The following RORA variants were observed in gnomAD, a reference collection of about 807,000 sequenced individuals.
RORA encodes nuclear receptor ROR-alpha.
Under a neutral mutation model 69.5 loss-of-function variants are expected in RORA, and 7 were observed. The observed-to-expected ratio is 0.10, with a 90% CI of 0.06 to 0.19. The LOEUF (loss-of-function observed/expected upper bound fraction) is 0.19, where lower values mean the gene tolerates loss of function less well. Ranked by LOEUF, RORA falls within the 10% of genes least tolerant of loss-of-function variation. RORA has a pLI of 1.00. For synonymous variants in RORA, 261 were observed against 240.8 expected (o/e 1.08, Z -0.78); for missense variants, 457 against 663.0 (o/e 0.69, Z 3.41).
intron 1 of RORA, among the ~76,000 whole-genome samples, chr15:60,841,881 A>G (rs74735171): frequency 0.08 from 12,241 of 152,300 alleles, 598 homozygotes; most frequent in Non-Finnish European, 0.12. Flanking sequence ...AAAGCAGGAT[A>G]CAAATGAATC....
At chr15:60,556,824 T>G (rs1567084572) in intron 2 of RORA, 1 of 1,546,876 alleles carries the variant, frequency 6.5e-7, no homozygotes, top group African/African-American at 1.4e-5. Context: ...GAAGAAACCT[T>G]GCAAATTACA....
intron 1 of RORA, among the ~76,000 whole-genome samples, chr15:60,879,984 A>G (rs1283187735): frequency 6.6e-6 from 1 of 152,148 alleles, no homozygotes; most frequent in Non-Finnish European, 1.5e-5. Context: ...AAAATCTGTG[A>G]CTGCATCTCC....
chr15:60,776,009 T>C (rs1399721462), intron 1 of RORA, among the ~76,000 whole-genome samples: 1 of 152,222 alleles, frequency 6.6e-6, no homozygotes, highest in Non-Finnish European at 1.5e-5. Context: ...GCAATAACTG[T>C]GTGTGAACTA....
At chr15:61,103,056 T>G (rs2078902973) in intron 1 of RORA, among the ~76,000 whole-genome samples, 1 of 152,250 alleles carries the variant, frequency 6.6e-6, no homozygotes, top group Non-Finnish European at 1.5e-5. Flanking sequence ...ATGTCTTTAT[T>G]CAGACACGTT....
chr15:60,765,967 AGCTCATCCT>A (rs753047557), intron 1 of RORA, among the ~76,000 whole-genome samples: 1 of 152,152 alleles, frequency 6.6e-6, no homozygotes, highest in Non-Finnish European at 1.5e-5. Flanking sequence ...ACCAATTTTC[AGCTCATCCT>A]TTCCTTCTTA....
At chr15:61,075,394 T>C in intron 1 of RORA, among the ~76,000 whole-genome samples, 1 of 152,168 alleles carries the variant, frequency 6.6e-6, no homozygotes. Context: ...TGTTCGACCA[T>C]GCCTTCCTAG....
chr15:60,768,836 T>C lies in RORA; in HGVS notation c.167-90150A>G, dbSNP rs116561030. ...GGAGGAGCTGACTTTGGCAATGATG[T>C]GTCTTCTCCACACAATGATTATTTC... is the stretch of plus-strand genomic sequence containing the variant. On this transcript the variant is annotated intron_variant, in intron 1 of 10. Transcript: ENST00000335670. 1.8e-3 allele frequency among the ~76,000 whole-genome samples: 277 copies of C among 152,320 alleles called. 1 individual carries two copies. The highest frequency in any genetic ancestry group is 6.4e-3 in the African/African-American group (267 of 41,584).
chr15:60,868,837 G>A (rs1473600184), intron 1 of RORA, among the ~76,000 whole-genome samples: 2 of 152,192 alleles, frequency 1.3e-5, no homozygotes, highest in East Asian at 3.9e-4. Context: ...GGAAAATTGA[G>A]AAAATGTCTG....
At chr15:60,625,958 C>T (rs2069565717) in intron 2 of RORA, among the ~76,000 whole-genome samples, 1 of 152,174 alleles carries the variant, frequency 6.6e-6, no homozygotes, top group Non-Finnish European at 1.5e-5. Context: ...AAAATATGAG[C>T]TTTGTAACAT....
intron 1 of RORA, among the ~76,000 whole-genome samples, chr15:61,113,631 T>C (rs1446819428): frequency 6.6e-6 from 1 of 152,188 alleles, no homozygotes; most frequent in African/African-American, 2.4e-5. Flanking sequence ...CCCTAAAATG[T>C]CTAGCTAGGA....
chr15:60,773,026 C>T (rs1271709774), intron 1 of RORA, among the ~76,000 whole-genome samples: 1 of 152,196 alleles, frequency 6.6e-6, no homozygotes, highest in Non-Finnish European at 1.5e-5. Context: ...TTGCAAGTTC[C>T]ATTTAGCTTT....
intron 1 of RORA, among the ~76,000 whole-genome samples, chr15:60,713,992 C>T (rs930844369): frequency 6.6e-6 from 1 of 151,888 alleles, no homozygotes; most frequent in African/African-American, 2.4e-5. Context: ...TTGGCAAAAC[C>T]GGGGCCTCTA....
intron 1 of RORA, among the ~76,000 whole-genome samples, chr15:60,722,363 G>A (rs1179928788): frequency 6.6e-6 from 1 of 152,194 alleles, no homozygotes; most frequent in African/African-American, 2.4e-5. Context: ...AGCTAAAATA[G>A]CAGCACCCTT....
At chr15:61,040,849 G>A (rs1896730329) in intron 1 of RORA, among the ~76,000 whole-genome samples, 1 of 152,006 alleles carries the variant, frequency 6.6e-6, no homozygotes, top group African/African-American at 2.4e-5. Flanking sequence ...TTTTTTCAAA[G>A]GTTGTTTTTA....
At chr15:60,639,955 C>T (rs1159863502) in intron 2 of RORA, among the ~76,000 whole-genome samples, 2 of 152,196 alleles carry the variant, frequency 1.3e-5, no homozygotes, top group African/African-American at 4.8e-5. Context: ...CAGAGTTTCT[C>T]CCCTATCATT....
intron 1 of RORA, among the ~76,000 whole-genome samples, chr15:61,008,178 A>T (rs1894974341): frequency 6.7e-6 from 1 of 149,434 alleles, no homozygotes. Context: ...TGGAGGTATA[A>T]AGAATTTCAA....
intron 1 of RORA, among the ~76,000 whole-genome samples, chr15:60,782,873 G>A (rs2140340280): frequency 6.6e-6 from 1 of 152,316 alleles, no homozygotes; most frequent in South Asian, 2.1e-4. Context: ...AAATGCTATA[G>A]GCATTGAGTT....
chr15:60,948,322 C>T (rs1252664664), intron 1 of RORA, among the ~76,000 whole-genome samples: 1 of 151,732 alleles, frequency 6.6e-6, no homozygotes, highest in Non-Finnish European at 1.5e-5. Context: ...TCTGGTGATG[C>T]AAATACAAGG....
chr15:60,924,041 G>T (rs1892131922), intron 1 of RORA, among the ~76,000 whole-genome samples: 1 of 152,196 alleles, frequency 6.6e-6, no homozygotes, highest in South Asian at 2.1e-4. Flanking sequence ...GAAAGGGCCA[G>T]CCCACTGAAA....
Sources: allele counts gnomAD v4.1 joint callset (sites outside exome capture counted in the v4.1 genomes callset), GRCh38; gene constraint gnomAD v4.1.1; transcripts MANE v1.5; gene names NCBI Gene and HGNC (gene_info 2026-07-23, HGNC 2026-07-21).